Variants in RAD51B observed in about 807,000 individuals in gnomAD.
RAD51B encodes the protein DNA repair protein RAD51 homolog 2.
RAD51B carries 38 observed loss-of-function variants against 42.2 expected under a neutral mutation model. The ratio of observed to expected loss-of-function variants is 0.90; its 90% CI spans 0.70 to 1.18. RAD51B has a LOEUF of 1.18. Among genes scored for constraint, RAD51B ranks in the 50% most tolerant of loss-of-function variants. RAD51B has a pLI of 0.00. For missense variants in RAD51B, 373 were observed against 400.7 expected, an observed-to-expected ratio of 0.93 and a Z score of 0.59; for synonymous variants, 154 against 145.2, an observed-to-expected ratio of 1.06 and a Z score of -0.43.
intron 8 of RAD51B, among the ~76,000 whole-genome samples, chr14:68,322,620 G>A (rs1355547955): frequency 6.6e-6 from 1 of 152,296 alleles, no homozygotes; most frequent in East Asian, 1.9e-4. Context: ...GCTGATTTGA[G>A]CTTTTGCAGA....
chr14:68,023,666 T>C (rs1445936257), intron 7 of RAD51B, among the ~76,000 whole-genome samples: 4 of 152,202 alleles, frequency 2.6e-5, no homozygotes, highest in Admixed American at 1.3e-4. Context: ...TGTTTGTTCA[T>C]GTCCTTTGCC....
intron 7 of RAD51B, among the ~76,000 whole-genome samples, chr14:68,286,892 G>C (rs1405399164): frequency 6.6e-6 from 1 of 152,182 alleles, no homozygotes; most frequent in Non-Finnish European, 1.5e-5. Context: ...TCTGACTAAT[G>C]ACCAGTTAAT....
chr14:67,929,839 G>A (rs1339314823), intron 7 of RAD51B, among the ~76,000 whole-genome samples: 1 of 150,588 alleles, frequency 6.6e-6, no homozygotes, highest in African/African-American at 2.4e-5. Context: ...TTTAAGAAAT[G>A]GGGTCTCAAT....
chr14:68,457,411 T>TA (rs2085725041), intron 9 of RAD51B, among the ~76,000 whole-genome samples: 1 of 152,198 alleles, frequency 6.6e-6, no homozygotes, highest in Non-Finnish European at 1.5e-5. Context: ...AAGCAGTAGT[T>TA]ATAGGGAAAT....
rs555762279 is a variant in RAD51B, at chr14:67,972,531, A to G, written c.756+85327A>G. The stretch of plus-strand genomic sequence containing the variant: ...TGCAGAGGCAAGAGTTTGTCTCAGC[A>G]ATAGTTTCATACATTATCTACACAG... On this transcript the variant is annotated intron_variant, in intron 7 of 10. Transcript: ENST00000471583. Among the ~76,000 whole-genome samples the G allele has an allele frequency of 4.3e-4, 66 of 152,150 alleles. No homozygotes were observed. In the South Asian group the frequency reaches 7.9e-3, roughly 18 times the overall value.
intron 10 of RAD51B, among the ~76,000 whole-genome samples, chr14:68,556,289 T>C (rs769235495): frequency 1.1e-3 from 173 of 152,144 alleles, no homozygotes; most frequent in Non-Finnish European, 2.0e-3. Context: ...CCCTGATGCC[T>C]GTTGGACTTT....
chr14:68,018,772 CT>C (rs1237213209), intron 7 of RAD51B, among the ~76,000 whole-genome samples: 4 of 152,090 alleles, frequency 2.6e-5, no homozygotes, highest in Admixed American at 1.3e-4. Flanking sequence ...AATTATTCAG[CT>C]TTTTATGTGT....
chr14:67,824,639 C>T (rs766200719), intron 2 of RAD51B, among the ~76,000 whole-genome samples: 3 of 152,026 alleles, frequency 2.0e-5, no homozygotes, highest in South Asian at 2.1e-4. Flanking sequence ...AAGATAACAT[C>T]GGTTCCTTTG....
intron 7 of RAD51B, among the ~76,000 whole-genome samples, chr14:68,066,391 T>C (rs117189233): frequency 0.015 from 2,326 of 152,300 alleles, 30 homozygotes; most frequent in Non-Finnish European, 0.024. Flanking sequence ...AAAGTCCATG[T>C]ACAATTTTCA....
chr14:67,885,752 A>T, intron 5 of RAD51B, 117 bp from the exon 6 acceptor site: 1 of 1,341,740 alleles, frequency 7.5e-7, no homozygotes, highest in South Asian at 1.9e-5. Flanking sequence ...CATTTTGCTT[A>T]TACCTGCTCT....
At chr14:68,594,305 G>A (rs977840274) in intron 10 of RAD51B, among the ~76,000 whole-genome samples, 1 of 152,204 alleles carries the variant, frequency 6.6e-6, no homozygotes, top group Non-Finnish European at 1.5e-5. Context: ...GTGCACACAC[G>A]AATACTTCTT....
intron 7 of RAD51B, among the ~76,000 whole-genome samples, chr14:68,127,009 T>C (rs924450599): frequency 1.3e-5 from 2 of 152,322 alleles, no homozygotes; most frequent in Admixed American, 6.5e-5. Flanking sequence ...CCACCTCAGA[T>C]ACCACCTCCT....
intron 5 of RAD51B, among the ~76,000 whole-genome samples, chr14:67,877,623 C>A (rs1001972266): frequency 1.3e-5 from 2 of 152,112 alleles, no homozygotes; most frequent in African/African-American, 4.8e-5. Context: ...TCCTCCTGCT[C>A]TGTTATCTGT....
intron 7 of RAD51B, among the ~76,000 whole-genome samples, chr14:67,952,520 A>AT (rs1212699277): frequency 6.6e-6 from 1 of 152,158 alleles, no homozygotes; most frequent in Non-Finnish European, 1.5e-5. Context: ...GTCTAAACTT[A>AT]TTCCTAAATG....
intron 7 of RAD51B, among the ~76,000 whole-genome samples, chr14:67,900,399 G>C (rs1314537388): frequency 1.3e-5 from 2 of 152,038 alleles, no homozygotes; most frequent in African/African-American, 2.4e-5. Context: ...ATGAAGTAAG[G>C]CTGCTTCCTA....
At chr14:68,283,191 A>G (rs2081352476) in intron 7 of RAD51B, among the ~76,000 whole-genome samples, 1 of 152,186 alleles carries the variant, frequency 6.6e-6, no homozygotes, top group South Asian at 2.1e-4. Context: ...AGGAGTACAC[A>G]TGAATAGAAA....
intron 9 of RAD51B, among the ~76,000 whole-genome samples, chr14:68,440,687 A>G (rs1468426367): frequency 1.3e-5 from 2 of 152,106 alleles, no homozygotes; most frequent in African/African-American, 4.8e-5. Context: ...TGGAGGTTGC[A>G]GTGAGGCAAG....
rs1189974702 is a variant in RAD51B at position 68,547,504 on chromosome 14, G to A, written c.1037-46981G>A. On this transcript the variant is annotated intron_variant, in intron 10 of 10. Transcript: ENST00000487270. ...TGCTCTGGCTGAAGGAAGGAGTGTT[G>A]GGGTCCAGGAGCCCCGCTCACTCCT... Among the ~76,000 whole-genome samples the A allele has an allele frequency of 5.9e-5, 9 of 152,264 alleles. No individual in the cohort carries two copies. In the South Asian group the frequency reaches 1.5e-3, roughly 25 times the overall value.
intron 7 of RAD51B, among the ~76,000 whole-genome samples, chr14:68,253,560 A>AT (rs1213218321): frequency 6.6e-6 from 1 of 152,168 alleles, no homozygotes; most frequent in Non-Finnish European, 1.5e-5. Context: ...AAAGTCTTAC[A>AT]TTTTTTGTAT....
Sources: allele counts gnomAD v4.1 joint callset (sites outside exome capture counted in the v4.1 genomes callset), GRCh38; gene constraint gnomAD v4.1.1; transcripts MANE v1.5; gene names NCBI Gene and HGNC (gene_info 2026-07-23, HGNC 2026-07-21).